GLIPR1L1: variants seen among roughly 807,000 people sequenced by gnomAD.
GLIPR1L1 encodes the protein GLIPR1 like 1, also known as GLIPR1-like protein 1.
GLIPR1L1 carries 26 observed loss-of-function variants against 29.9 expected under a neutral mutation model. The observed-to-expected ratio is 0.87, with a 90% CI of 0.64 to 1.21. The LOEUF (loss-of-function observed/expected upper bound fraction) is 1.21. Among genes scored for constraint, GLIPR1L1 ranks in the 50% most tolerant of loss-of-function variants. GLIPR1L1 has a pLI of 0.00. For synonymous variants in GLIPR1L1, 77 were observed against 97.5 expected (o/e 0.79, Z 1.24); for missense variants, 305 against 290.3 (o/e 1.05, Z -0.37).
intron 3 of GLIPR1L1, among the ~76,000 whole-genome samples, chr12:75,357,470 T>C (rs1274316032): frequency 6.6e-6 from 1 of 151,948 alleles, no homozygotes; most frequent in Non-Finnish European, 1.5e-5. Context: ...AGATAGAAAA[T>C]AAGTAGGGAT....
At chr12:75,343,625 A>C in intron 1 of GLIPR1L1, 68 bp from the exon 2 acceptor site, 2 of 1,215,132 alleles carry the variant, frequency 1.6e-6, no homozygotes, top group Non-Finnish European at 2.3e-6. Context: ...TTAGTTGATT[A>C]CAATAATTAG....
Position 75,334,670 on chromosome 12 carries a change from G to A in GLIPR1L1, c.-59G>A. 2 of 1,564,706 alleles carry A rather than the reference G, an allele frequency of 1.3e-6. No homozygotes were observed. Among genetic ancestry groups the A allele is most frequent in the Non-Finnish European group, 1.7e-6 (2 of 1,155,770 alleles). On this transcript the variant is annotated 5_prime_UTR_variant, in exon 1 of 6. Transcript: ENST00000378695. Reference sequence around the variant, plus strand: ...TGCGGGGGCGTGGGGAAATCGGGTTGCCCCAGCCGTTACTGGTCCGCGCAG... The same window carrying A: ...TGCGGGGGCGTGGGGAAATCGGGTTACCCCAGCCGTTACTGGTCCGCGCAG...
At chr12:75,347,955 A>G (rs1268602886) in intron 3 of GLIPR1L1, among the ~76,000 whole-genome samples, 1 of 152,134 alleles carries the variant, frequency 6.6e-6, no homozygotes, top group Non-Finnish European at 1.5e-5. Context: ...AATGATGGAG[A>G]CTGATAGGTT....
chr12:75,349,613 C>T (rs1429285801), intron 3 of GLIPR1L1, among the ~76,000 whole-genome samples: 1 of 151,808 alleles, frequency 6.6e-6, no homozygotes, highest in East Asian at 1.9e-4. Flanking sequence ...AAATGTTAAG[C>T]AAAGATATGA....
rs1202525956 is a variant in GLIPR1L1, at chr12:75,355,566, A to G, written c.522-7536A>G. Among the ~76,000 whole-genome samples the G allele has an allele frequency of 3.9e-5, 6 of 152,282 alleles. No homozygotes were observed. In the East Asian group the frequency reaches 9.6e-4, roughly 24 times the overall value. ...TAGTCAAACCATTGTAGAAGACACT[A>G]TGGTAATTCCTCAAAGATCTAGAAC... On this transcript the variant is annotated intron_variant, in intron 3 of 5. Coordinates refer to ENST00000378695, the MANE Select transcript of GLIPR1L1 (RefSeq NM_001304964.2).
In GLIPR1L1 at chr12:75,362,842, A is replaced by T. The variant is rs952551803; in HGVS notation, c.522-260A>T. 7.9e-5 allele frequency among the ~76,000 whole-genome samples: 12 copies of T among 152,208 alleles called. 1 individual carries two copies. Among genetic ancestry groups the T allele is most frequent in the Admixed American group, 5.9e-4 (9 of 15,278 alleles). ...ATGACAAAAACTTTGCAACTATCAC[A>T]TGCATAATTACACTGGGTTCACATC... On this transcript the variant is annotated intron_variant, in intron 3 of 5. Coordinates refer to ENST00000378695, the MANE Select transcript of GLIPR1L1 (RefSeq NM_001304964.2).
chr12:75,342,052 T>C (rs547277333), intron 1 of GLIPR1L1, among the ~76,000 whole-genome samples: 1 of 152,262 alleles, frequency 6.6e-6, no homozygotes, highest in African/African-American at 2.4e-5. Context: ...CACCTATTTA[T>C]ACAACATTCT....
intron 4 of GLIPR1L1, chr12:75,366,754 C>T (rs2043992429): frequency 1.6e-6 from 1 of 629,700 alleles, no homozygotes; most frequent in Non-Finnish European, 2.8e-6. Flanking sequence ...ACCAATGAGT[C>T]ATTTCCACGC....
intron 3 of GLIPR1L1, among the ~76,000 whole-genome samples, chr12:75,350,408 A>G (rs1044603506): frequency 1.3e-5 from 2 of 152,116 alleles, no homozygotes; most frequent in Non-Finnish European, 2.9e-5. Flanking sequence ...AGATCTCCCA[A>G]CAGGGGTCTC....
At chr12:75,338,593 T>G (rs531487480) in intron 1 of GLIPR1L1, among the ~76,000 whole-genome samples, 1 of 148,916 alleles carries the variant, frequency 6.7e-6, no homozygotes, top group Admixed American at 6.6e-5. Flanking sequence ...AAAAGTTATT[T>G]TTTTTTTCAG....
intron 3 of GLIPR1L1, chr12:75,359,832 T>A (rs770787270): frequency 3.3e-5 from 5 of 152,176 alleles, no homozygotes; most frequent in Non-Finnish European, 1.5e-5. Flanking sequence ...AATGGATCGT[T>A]GATGTATTTG....
chr12:75,340,803 G>A (rs2042052373), intron 1 of GLIPR1L1, among the ~76,000 whole-genome samples: 1 of 150,386 alleles, frequency 6.6e-6, no homozygotes, highest in African/African-American at 2.4e-5. Context: ...GAGATATACA[G>A]ATGGAAAATA....
At chr12:75,345,332 C>G (rs949460858) in intron 2 of GLIPR1L1, among the ~76,000 whole-genome samples, 2 of 151,996 alleles carry the variant, frequency 1.3e-5, no homozygotes, top group African/African-American at 4.8e-5. Context: ...CCATTACTTC[C>G]TATAATTTTC....
At chr12:75,369,881 T>C (rs2044245604) in intron 4 of GLIPR1L1, 79 bp from the exon 5 acceptor site, 1 of 1,340,246 alleles carries the variant, frequency 7.5e-7, no homozygotes, top group African/African-American at 1.5e-5. Context: ...ATTGTCTTAT[T>C]CTAAAAGCCA....
chr12:75,365,783 G>C (rs973406559), intron 4 of GLIPR1L1, among the ~76,000 whole-genome samples: 3 of 152,030 alleles, frequency 2.0e-5, no homozygotes, highest in Admixed American at 1.3e-4. Flanking sequence ...CCTATGAATT[G>C]TGGGTGTTTA....
intron 3 of GLIPR1L1, among the ~76,000 whole-genome samples, chr12:75,361,438 A>G (rs1593816216): frequency 6.6e-6 from 1 of 152,074 alleles, no homozygotes; most frequent in African/African-American, 2.4e-5. Context: ...TTCACCAGGA[A>G]CCCAACCCTA....
chr12:75,348,243 G>A (rs1200405019), intron 3 of GLIPR1L1, among the ~76,000 whole-genome samples: 2 of 152,090 alleles, frequency 1.3e-5, no homozygotes, highest in African/African-American at 4.8e-5. Flanking sequence ...ATACTAGGAA[G>A]ACTATAAAAA....
chr12:75,339,780 G>C (rs2041981120), intron 1 of GLIPR1L1, among the ~76,000 whole-genome samples: 1 of 151,970 alleles, frequency 6.6e-6, no homozygotes, highest in Non-Finnish European at 1.5e-5. Context: ...TGTAAGGAAG[G>C]GGTCCAGTTT....
chr12:75,337,253 T>C (rs749894636), intron 1 of GLIPR1L1, among the ~76,000 whole-genome samples: 5 of 151,690 alleles, frequency 3.3e-5, no homozygotes, highest in Non-Finnish European at 7.4e-5. Context: ...AAGATGATCA[T>C]AATTTGATGA....
Sources: gnomAD v4.1 joint callset for allele counts (sites outside exome capture counted in the v4.1 genomes callset) on GRCh38, gnomAD v4.1.1 for gene constraint, MANE v1.5 for transcripts, NCBI Gene and HGNC (gene_info 2026-07-23, HGNC 2026-07-21) for gene names.